RHBDL2: variants seen among roughly 807,000 people sequenced by gnomAD.
RHBDL2 encodes rhomboid-related protein 2.
A neutral mutation model predicts 31.7 loss-of-function variants in RHBDL2; 26 were observed. The ratio of observed to expected loss-of-function variants is 0.82; its 90% CI spans 0.60 to 1.14. RHBDL2 has a LOEUF of 1.14. Ranked by LOEUF, RHBDL2 falls within the 50% of genes most tolerant of loss-of-function variation. RHBDL2 has a pLI of 0.00. For missense variants in RHBDL2, 336 were observed against 364.4 expected (o/e 0.92, Z 0.63); for synonymous variants, 123 against 127.2 (o/e 0.97, Z 0.22).
intron 1 of RHBDL2, chr1:38,926,328 G>A: frequency 2.5e-6 from 1 of 406,862 alleles, no homozygotes; most frequent in Non-Finnish European, 3.4e-6. Flanking sequence ...GCAGCACTGG[G>A]CGTTCAGCAG....
chr1:38,893,039 A>C, intron 6 of RHBDL2, 125 bp downstream of exon 6: 1 of 525,208 alleles, frequency 1.9e-6, no homozygotes, highest in Non-Finnish European at 3.5e-6. Context: ...CATACCATAG[A>C]CCTCCCAGGT....
chr1:38,891,260 CAAA>C (rs11445131), intron 6 of RHBDL2, among the ~76,000 whole-genome samples: 2 of 79,264 alleles, frequency 2.5e-5, no homozygotes, highest in African/African-American at 1.1e-4. Context: ...GACTCCGTCT[CAAA>C]AAAAAAAAAA....
intron 1 of RHBDL2, among the ~76,000 whole-genome samples, chr1:38,937,720 C>A (rs1396905261): frequency 6.6e-6 from 1 of 152,142 alleles, no homozygotes; most frequent in Non-Finnish European, 1.5e-5. Flanking sequence ...AAGTAGTATC[C>A]TTGAACTTAT....
intron 5 of RHBDL2, among the ~76,000 whole-genome samples, chr1:38,894,012 G>A (rs1319391088): frequency 6.6e-6 from 1 of 152,100 alleles, no homozygotes; most frequent in Non-Finnish European, 1.5e-5. Flanking sequence ...TTTCAAATTA[G>A]TAACTCTCTT....
rs1372484468 is a variant in RHBDL2 at position 38,919,133 on chromosome 1, T to G, written c.80A>C (p.Glu27Ala). The G allele has an allele frequency of 6.2e-7, 1 of 1,614,172 alleles. No homozygotes were observed. The highest frequency in any genetic ancestry group is 2.2e-5 in the East Asian group (1 of 44,884). Residue 27 changes from glutamate (E) to alanine (A), a missense_variant, in exon 2 of 8, where the codon GAG becomes GCG. Glu to Ala is a moderately radical substitution (Grantham distance 107, BLOSUM62 -1). Coordinates refer to ENST00000372990, the MANE Select transcript of RHBDL2 (RefSeq NM_017821.5). ...GREMKEELEE[E>A]EKMREDGGGK... ...TCCCCCATCCTCTCTCATTTTCTCC[T>G]CTTCCTCCAGCTCTTCTTTCATCTC...
chr1:38,908,965 G>A (rs1384314252), intron 4 of RHBDL2, among the ~76,000 whole-genome samples: 1 of 152,202 alleles, frequency 6.6e-6, no homozygotes, highest in Non-Finnish European at 1.5e-5. Flanking sequence ...GCCAGAAGGC[G>A]GATGGTTTTC....
intron 1 of RHBDL2, among the ~76,000 whole-genome samples, chr1:38,935,508 G>A (rs756219548): frequency 1.3e-5 from 2 of 152,126 alleles, no homozygotes; most frequent in Non-Finnish European, 2.9e-5. Flanking sequence ...TAAAAGGAGG[G>A]TGGTAAATAT....
At position 38,929,527 on chromosome 1, in the gene RHBDL2, A is replaced by G. The variant is rs541958342; in HGVS notation, c.-125-10190T>C. 1.9e-5 allele frequency: 24 copies of G among 1,289,378 alleles called. No homozygotes were observed. In the Admixed American group the frequency reaches 4.4e-4, roughly 23 times the overall value. 79.9% of individuals were successfully genotyped at this position (1,289,378 alleles called of 1,614,324 possible). A position where few individuals can be genotyped will look rare whatever the true frequency, so the allele number is the denominator to read the frequency against. On this transcript the variant is annotated intron_variant, in intron 1 of 7. Transcript: ENST00000372990. The stretch of plus-strand genomic sequence containing the variant: ...AGCTGCATTCAAACAGGGAGGTTTT[A>G]AATATCTGAATTGTTTTTTCTAAAC...
At chr1:38,925,206 A>T (rs1292657232) in intron 1 of RHBDL2, among the ~76,000 whole-genome samples, 3 of 152,050 alleles carry the variant, frequency 2.0e-5, no homozygotes, top group African/African-American at 7.2e-5. Context: ...TACATTGTAA[A>T]GTATAGCCAG....
At chr1:38,914,050 G>A in intron 3 of RHBDL2, among the ~76,000 whole-genome samples, 1 of 151,730 alleles carries the variant, frequency 6.6e-6, no homozygotes, top group East Asian at 2.0e-4. Context: ...CAGGGAGCCA[G>A]AGGTTGCAGT....
intron 1 of RHBDL2, among the ~76,000 whole-genome samples, chr1:38,928,404 A>G (rs71642662): frequency 3.7e-4 from 55 of 146,836 alleles, no homozygotes; most frequent in Non-Finnish European, 5.7e-4. Context: ...GGGCTCCCAA[A>G]GTGCTGGGAT....
chr1:38,901,283 G>A (rs901096201), intron 4 of RHBDL2, among the ~76,000 whole-genome samples: 3 of 150,864 alleles, frequency 2.0e-5, no homozygotes, highest in South Asian at 2.1e-4. Context: ...CCAAAGTGGC[G>A]AAACCCTGTC....
intron 5 of RHBDL2, among the ~76,000 whole-genome samples, chr1:38,893,477 A>G (rs939734582): frequency 1.3e-5 from 2 of 152,176 alleles, no homozygotes; most frequent in African/African-American, 4.8e-5. Context: ...CAATCTCAAT[A>G]AAAGTAATAT....
intron 6 of RHBDL2, 75 bp downstream of exon 6, chr1:38,893,089 A>C: frequency 1.1e-6 from 1 of 901,566 alleles, no homozygotes; most frequent in East Asian, 2.5e-5. Context: ...TGATTCCCAA[A>C]TAAAATGTTT....
Position 38,888,012 on chromosome 1 carries a change from A to G in RHBDL2, c.683T>C (p.Met228Thr). 6.2e-7 allele frequency: 1 copy of G among 1,612,576 alleles called. No homozygotes were observed. Among genetic ancestry groups the G allele is most frequent in the Non-Finnish European group, 8.5e-7 (1 of 1,178,674 alleles). The change falls in exon 7 of 8, where the codon ATG becomes ACG. Residue 228 changes from methionine to threonine, a missense_variant. Met to Thr is a moderately conservative substitution (Grantham distance 81). Coordinates refer to ENST00000372990, the MANE Select transcript of RHBDL2 (RefSeq NM_017821.5). ...LIIILIIVLD[M>T]GFALYRRFFV... ...GAACCTTCTATAGAGAGCAAATCCC[A>G]TGTCCAACACAACTAGAAGGAAAAA...
At chr1:38,892,603 G>A (rs920951264) in intron 6 of RHBDL2, among the ~76,000 whole-genome samples, 3 of 152,160 alleles carry the variant, frequency 2.0e-5, no homozygotes, top group Admixed American at 2.0e-4. Context: ...TATTCTCCAT[G>A]TTAGTGTCTG....
chr1:38,895,490 A>T (rs1642906422), intron 5 of RHBDL2, among the ~76,000 whole-genome samples: 1 of 152,082 alleles, frequency 6.6e-6, no homozygotes, highest in South Asian at 2.1e-4. Context: ...TTACTTTTGA[A>T]ATGAGAAAAA....
intron 2 of RHBDL2, 88 bp downstream of exon 2, chr1:38,918,879 T>C (rs1643272352): frequency 6.7e-7 from 1 of 1,493,204 alleles, no homozygotes; most frequent in African/African-American, 1.4e-5. Flanking sequence ...ATGTTCCCAG[T>C]CTCTTCTCTA....
At chr1:38,915,158 G>T (rs2124331943) in intron 3 of RHBDL2, among the ~76,000 whole-genome samples, 1 of 149,376 alleles carries the variant, frequency 6.7e-6, no homozygotes, top group African/African-American at 2.5e-5. Context: ...TTGAGATGGA[G>T]TCTCACTCTT....
Sources: gnomAD v4.1 joint callset for allele counts (sites outside exome capture counted in the v4.1 genomes callset) on GRCh38, gnomAD v4.1.1 for gene constraint, MANE v1.5 for transcripts, NCBI Gene and HGNC (gene_info 2026-07-23, HGNC 2026-07-21) for gene names.